TMEM135: variants seen among roughly 807,000 people sequenced by gnomAD.
TMEM135 encodes the protein peroxisomal membrane protein 52.
A neutral mutation model predicts 60.3 loss-of-function variants in TMEM135; 30 were observed. The observed-to-expected ratio is 0.50, with a 90% CI of 0.37 to 0.68. The LOEUF is 0.68. TMEM135 is among the 30% of genes least tolerant of loss of function. The pLI is 0.00. For synonymous variants in TMEM135, 190 were observed against 186.7 expected (o/e 1.02, Z -0.14); for missense variants, 468 against 548.8 (o/e 0.85, Z 1.47).
chr11:87,093,539 A>G (rs1157959522), intron 4 of TMEM135, among the ~76,000 whole-genome samples: 2 of 150,254 alleles, frequency 1.3e-5, no homozygotes, highest in Admixed American at 6.7e-5. Flanking sequence ...ATTTATTATT[A>G]TTATTTTTTG....
intron 6 of TMEM135, among the ~76,000 whole-genome samples, chr11:87,281,131 G>C (rs1942052974): frequency 6.6e-6 from 1 of 152,142 alleles, no homozygotes; most frequent in African/African-American, 2.4e-5. Context: ...ATCTCTGGGA[G>C]TTGTTAATGA....
chr11:87,069,317 A>C (rs1340007032), intron 2 of TMEM135, among the ~76,000 whole-genome samples: 1 of 151,170 alleles, frequency 6.6e-6, no homozygotes, highest in Non-Finnish European at 1.5e-5. Context: ...AAGAAGAAGA[A>C]AGTTTCTATG....
At chr11:87,054,271 CTAAAAATA>C (rs1358950955) in intron 1 of TMEM135, among the ~76,000 whole-genome samples, 9 of 151,902 alleles carry the variant, frequency 5.9e-5, no homozygotes, top group African/African-American at 2.2e-4. Flanking sequence ...CCCATCTTCA[CTAAAAATA>C]CAAAAATTAG....
chr11:87,110,689 A>C (rs972726326), intron 4 of TMEM135, among the ~76,000 whole-genome samples: 1 of 152,178 alleles, frequency 6.6e-6, no homozygotes, highest in Non-Finnish European at 1.5e-5. Context: ...TAATTTAAAG[A>C]AATGTTTTTT....
rs1436438348 is a variant in TMEM135 at position 87,172,439 on chromosome 11, A to G, written c.462+15033A>G. 4.0e-5 allele frequency among the ~76,000 whole-genome samples: 6 copies of G among 150,950 alleles called. No homozygotes were observed. In the East Asian group the frequency reaches 9.7e-4, roughly 24 times the overall value. ...AAAAGTAGGTTTTTTTTTTTTACCT[A>G]CTTTTGTTTTGTATTACGACACGGT... On this transcript the variant is annotated intron_variant, in intron 5 of 14. Coordinates refer to ENST00000305494, the MANE Select transcript of TMEM135 (RefSeq NM_022918.4).
chr11:87,098,753 A>G (rs975975935), intron 4 of TMEM135, among the ~76,000 whole-genome samples: 5 of 152,130 alleles, frequency 3.3e-5, no homozygotes, highest in Admixed American at 2.6e-4. Flanking sequence ...CAGTGGTGCC[A>G]TGTCGGCTCA....
rs749521660 is a variant in TMEM135 at position 87,326,824 on chromosome 11, A to G, written c.*5491A>G. On this transcript the variant is annotated 3_prime_UTR_variant, in exon 15 of 15. Transcript: ENST00000305494. ...AGTTTTTGATAGCCTGTCACTGCTC[A>G]GGGATAGCACTAAGGCTCTCTTCAG... is the stretch of plus-strand genomic sequence containing the variant. 4 of 449,264 alleles carry G rather than the reference A, an allele frequency of 8.9e-6. No individual in the cohort carries two copies. Among genetic ancestry groups the G allele is most frequent in the South Asian group, 6.4e-5 (4 of 62,936 alleles). 27.8% of individuals were successfully genotyped at this position (449,264 alleles called of 1,614,324 possible).
At chr11:87,155,698 T>C (rs1384610826) in intron 4 of TMEM135, among the ~76,000 whole-genome samples, 1 of 152,196 alleles carries the variant, frequency 6.6e-6, no homozygotes, top group Non-Finnish European at 1.5e-5. Flanking sequence ...GATGGTTGGT[T>C]GGTCCAAGAG....
At chr11:87,091,443 T>G in intron 4 of TMEM135, 48 bp downstream of exon 4, 6 of 1,581,428 alleles carry the variant, frequency 3.8e-6, no homozygotes, top group Non-Finnish European at 4.3e-6. Context: ...AGCTATATCT[T>G]TTTAAAATCA....
intron 7 of TMEM135, among the ~76,000 whole-genome samples, chr11:87,298,998 G>A (rs754708256): frequency 6.6e-6 from 1 of 151,984 alleles, no homozygotes; most frequent in Non-Finnish European, 1.5e-5. Context: ...TGAGGCAGGA[G>A]AATTGCTTGA....
intron 4 of TMEM135, among the ~76,000 whole-genome samples, chr11:87,094,519 C>T (rs986756361): frequency 2.6e-5 from 4 of 152,148 alleles, no homozygotes; most frequent in East Asian, 3.8e-4. Context: ...CAATTCCCTC[C>T]GCCTAGTCTT....
At position 87,326,550 on chromosome 11, in the gene TMEM135, T is replaced by A; in HGVS notation, c.*5217T>A. 2.2e-6 allele frequency: 1 copy of A among 454,116 alleles called. No homozygotes were observed. The highest frequency in any genetic ancestry group is 4.4e-6 in the Non-Finnish European group (1 of 226,788). The allele number at this position is 454,116 out of a possible 1,614,324, so 28.1% of individuals were successfully genotyped here. Reference sequence around the variant, plus strand: ...TGTGGTTGGTCATTATGGGATTGGATGCCAAAAGGAATGGGAGAGAAGAGA... The same window carrying A: ...TGTGGTTGGTCATTATGGGATTGGAAGCCAAAAGGAATGGGAGAGAAGAGA... On this transcript the variant is annotated 3_prime_UTR_variant, in exon 15 of 15. Transcript: ENST00000305494.
intron 4 of TMEM135, among the ~76,000 whole-genome samples, chr11:87,110,324 A>T (rs1295728377): frequency 5.3e-5 from 8 of 152,174 alleles, no homozygotes; most frequent in Admixed American, 5.2e-4. Context: ...AAGGCCGGGC[A>T]TGGCGGCTTG....
At chr11:87,146,236 C>T (rs1254045751) in intron 4 of TMEM135, among the ~76,000 whole-genome samples, 1 of 152,154 alleles carries the variant, frequency 6.6e-6, no homozygotes, top group African/African-American at 2.4e-5. Flanking sequence ...TCAGTGGAAG[C>T]CATGTGTGGT....
chr11:87,124,481 G>A (rs752987205), intron 4 of TMEM135, among the ~76,000 whole-genome samples: 2 of 152,082 alleles, frequency 1.3e-5, no homozygotes, highest in Admixed American at 6.6e-5. Flanking sequence ...GGGGAAGGGG[G>A]CATGGCTCAA....
intron 5 of TMEM135, among the ~76,000 whole-genome samples, chr11:87,211,557 AT>A (rs1940370510): frequency 2.0e-5 from 3 of 152,186 alleles, no homozygotes; most frequent in African/African-American, 7.2e-5. Flanking sequence ...ATTCGTGTAC[AT>A]TGTCTTTCTA....
intron 6 of TMEM135, among the ~76,000 whole-genome samples, chr11:87,271,475 C>T (rs924462388): frequency 4.6e-5 from 7 of 152,064 alleles, no homozygotes; most frequent in Non-Finnish European, 5.9e-5. Flanking sequence ...GGCTATTGAG[C>T]CCTTGAAATG....
chr11:87,184,909 C>G (rs1939612505), intron 5 of TMEM135, among the ~76,000 whole-genome samples: 1 of 152,046 alleles, frequency 6.6e-6, no homozygotes, highest in Non-Finnish European at 1.5e-5. Context: ...TAGGGTGCCA[C>G]TTTGTATATT....
At position 87,327,487 on chromosome 11, in the gene TMEM135, G is replaced by A. The variant is rs1237399924; in HGVS notation, c.*6154G>A. The A allele has an allele frequency of 2.2e-6, 1 of 453,984 alleles. No homozygotes were observed. The highest frequency in any genetic ancestry group is 1.6e-5 in the South Asian group (1 of 64,448). The allele number at this position is 453,984 out of a possible 1,614,324, so 28.1% of individuals were successfully genotyped here. A position where few individuals can be genotyped will look rare whatever the true frequency, so the allele number is the denominator to read the frequency against. On this transcript the variant is annotated 3_prime_UTR_variant, in exon 15 of 15. Coordinates refer to ENST00000305494, the MANE Select transcript of TMEM135 (RefSeq NM_022918.4). Reference sequence around the variant, plus strand: ...ATTTCTTAAAGTTCTGTATCAGTCAGGGTTTCCCAGAGAGGCAGAACAATA... The same window carrying A: ...ATTTCTTAAAGTTCTGTATCAGTCAAGGTTTCCCAGAGAGGCAGAACAATA...
Sources: allele counts gnomAD v4.1 joint callset (sites outside exome capture counted in the v4.1 genomes callset), GRCh38; gene constraint gnomAD v4.1.1; transcripts MANE v1.5; gene names NCBI Gene and HGNC (gene_info 2026-07-23, HGNC 2026-07-21).